Variants in ZSWIM5 observed in about 807,000 individuals in gnomAD.
ZSWIM5 encodes the protein zinc finger SWIM-type containing 5.
In ZSWIM5, 55 loss-of-function variants were observed where a neutral mutation model predicts 119.6. The ratio of observed to expected loss-of-function variants is 0.46; its 90% CI spans 0.37 to 0.58. ZSWIM5 has a LOEUF of 0.58. Ranked by LOEUF, ZSWIM5 falls within the 20% of genes least tolerant of loss-of-function variation. The probability of loss-of-function intolerance (pLI) is 0.00; values close to 1 mark genes in which losing one functional copy is unlikely to be tolerated. For missense variants in ZSWIM5, 1,193 were observed against 1,512.8 expected, an observed-to-expected ratio of 0.79 and a Z score of 3.51; for synonymous variants, 537 against 606.9, an observed-to-expected ratio of 0.88 and a Z score of 1.69.
chr1:45,034,412 C>G lies in ZSWIM5; in HGVS notation c.2349G>C (p.Met783Ile), dbSNP rs1644970770. ...GATAACGGCTGGGCACCACAGACAC[C>G]ATATGGTGAGGGTGGGATGTGTCGC... ...SAGDTSHPHH[M>I]VSVVPSRYPR... Residue 783 changes from methionine (M) to isoleucine (I), a missense_variant, in exon 11 of 14, where the codon ATG (methionine) becomes ATC (isoleucine). This residue lies in a region of ZSWIM5 where 961 missense variants were observed against 1,290.0 expected (regional missense o/e 0.74). Transcript: ENST00000359600. The G allele has an allele frequency of 6.2e-7, 1 of 1,613,782 alleles. No homozygotes were observed. Among genetic ancestry groups the G allele is most frequent in the Non-Finnish European group, 8.5e-7 (1 of 1,179,892 alleles).
At chr1:45,114,846 T>C (rs2149024809) in intron 1 of ZSWIM5, among the ~76,000 whole-genome samples, 1 of 152,342 alleles carries the variant, frequency 6.6e-6, no homozygotes, top group South Asian at 2.1e-4. Context: ...TGGTGATGAC[T>C]CTTAATGAGC....
rs778165337 is a variant in ZSWIM5, at chr1:45,206,054, G to C, written c.297C>G (p.Tyr99Ter). Residue 99 changes from tyrosine (Y) to a stop codon, truncating the protein, a stop_gained, in exon 1 of 14, where the codon TAC becomes TAG. Coordinates refer to ENST00000359600, the MANE Select transcript of ZSWIM5 (RefSeq NM_020883.2). LOFTEE classifies it high-confidence loss of function. ...CCCGCTCATTCCGCGGGAAGGACCAGTAGACGATGCGGCGCTGCACGGGCT... is the reference window on the plus strand; with the variant it reads ...CCCGCTCATTCCGCGGGAAGGACCACTAGACGATGCGGCGCTGCACGGGCT... ...IPEPVQRRIVYWSFPRNEREI... is the reference protein window; with the variant it reads ...IPEPVQRRIV 6.2e-7 allele frequency: 1 copy of C among 1,611,062 alleles called. No individual in the cohort carries two copies. Among genetic ancestry groups the C allele is most frequent in the South Asian group, 1.1e-5 (1 of 90,988 alleles).
chr1:45,110,796 A>G (rs1645511601), intron 1 of ZSWIM5, among the ~76,000 whole-genome samples: 1 of 152,072 alleles, frequency 6.6e-6, no homozygotes, highest in South Asian at 2.1e-4. Context: ...GCAAGTTAGG[A>G]CTCATATTTT....
intron 1 of ZSWIM5, among the ~76,000 whole-genome samples, chr1:45,150,868 G>A (rs1331520415): frequency 6.6e-6 from 1 of 152,132 alleles, no homozygotes; most frequent in East Asian, 1.9e-4. Context: ...AGACCTTTAT[G>A]TGACCTAGAT....
chr1:45,024,192 C>CTTT (rs59909524), intron 11 of ZSWIM5, among the ~76,000 whole-genome samples: 15 of 129,530 alleles, frequency 1.2e-4, no homozygotes, highest in Admixed American at 2.5e-4. Context: ...CTTTTCTTTT[C>CTTT]TTTTTTTTTT....
chr1:45,096,535 AACAC>A (rs370564289), intron 1 of ZSWIM5, among the ~76,000 whole-genome samples: 4 of 140,410 alleles, frequency 2.8e-5, no homozygotes, highest in East Asian at 2.2e-4. Flanking sequence ...TGGCCCTATC[AACAC>A]ACACACACAC....
At chr1:45,098,970 A>G (rs1298942946) in intron 1 of ZSWIM5, among the ~76,000 whole-genome samples, 2 of 152,236 alleles carry the variant, frequency 1.3e-5, no homozygotes, top group East Asian at 3.8e-4. Flanking sequence ...TAGACACCTT[A>G]ACATCACAAT....
intron 1 of ZSWIM5, among the ~76,000 whole-genome samples, chr1:45,161,274 T>C (rs1645862496): frequency 6.6e-6 from 1 of 152,184 alleles, no homozygotes; most frequent in Admixed American, 6.5e-5. Flanking sequence ...AAACACCTAG[T>C]AGTGAGATTG....
chr1:45,085,678 AGG>A (rs1207467130), intron 2 of ZSWIM5, among the ~76,000 whole-genome samples: 7 of 152,152 alleles, frequency 4.6e-5, no homozygotes, highest in African/African-American at 1.7e-4. Context: ...TCCCAAGGGC[AGG>A]GGCACAATGC....
At chr1:45,115,789 G>A (rs1175785289) in intron 1 of ZSWIM5, among the ~76,000 whole-genome samples, 2 of 150,362 alleles carry the variant, frequency 1.3e-5, no homozygotes, top group Admixed American at 1.3e-4. Context: ...AGGCAGAGGG[G>A]CTCCTCACAT....
chr1:45,087,084 A>G (rs1357049993), intron 2 of ZSWIM5, among the ~76,000 whole-genome samples: 1 of 151,964 alleles, frequency 6.6e-6, no homozygotes, highest in Non-Finnish European at 1.5e-5. Flanking sequence ...GGGTTTCACC[A>G]TGTTCACTAG....
rs750301358 is a variant in ZSWIM5 at position 45,018,961 on chromosome 1, G to A, written c.3051C>T (p.Phe1017=). ...MELRGYPLRA[F]KLASLAMSHL... ...GGCTCATGGCCAATGAGGCCAGCTT[G>A]AAGGCACGTAGCGGGTAGCCACGGA... Residue 1017 remains phenylalanine, a synonymous_variant, in exon 14 of 14, where the codon TTC becomes TTT. Transcript: ENST00000359600. The surrounding 1 kb of genome is among the most constrained non-coding windows in gnomAD (Gnocchi z 6.7). The A allele has an allele frequency of 1.9e-6, 3 of 1,614,124 alleles. No homozygotes were observed. The African/African-American group carries it at 4.0e-5, about 22-fold the overall frequency.
intron 2 of ZSWIM5, among the ~76,000 whole-genome samples, chr1:45,066,076 T>C (rs1200833577): frequency 7.2e-6 from 1 of 138,768 alleles, no homozygotes; most frequent in Admixed American, 7.8e-5. Flanking sequence ...TGTGTTCTCA[T>C]TGTTCAATAC....
intron 2 of ZSWIM5, among the ~76,000 whole-genome samples, chr1:45,082,337 GA>G (rs34118103): frequency 0.19 from 25,269 of 130,996 alleles, 2,168 homozygotes; most frequent in African/African-American, 0.25. Context: ...AAAAAAAAAA[GA>G]AAAAAAAAAA....
intron 1 of ZSWIM5, among the ~76,000 whole-genome samples, chr1:45,097,922 G>C (rs981384451): frequency 2.6e-5 from 4 of 152,170 alleles, no homozygotes; most frequent in Non-Finnish European, 5.9e-5. Context: ...TGATAGGGTA[G>C]TATATAATAG....
At chr1:45,099,620 C>G (rs1645425732) in intron 1 of ZSWIM5, among the ~76,000 whole-genome samples, 1 of 152,180 alleles carries the variant, frequency 6.6e-6, no homozygotes, top group African/African-American at 2.4e-5. Flanking sequence ...GACCAATATC[C>G]CTGATGATCA....
chr1:45,058,467 G>A, intron 4 of ZSWIM5, 142 bp downstream of exon 4: 2 of 916,438 alleles, frequency 2.2e-6, no homozygotes, highest in Non-Finnish European at 3.3e-6. Context: ...GTGTTACTCT[G>A]GGTGGCCTCT....
chr1:45,133,638 G>C (rs346692), intron 1 of ZSWIM5, among the ~76,000 whole-genome samples: 9,503 of 151,820 alleles, frequency 0.063, 342 homozygotes, highest in East Asian at 0.11. Context: ...GTCAATTTTG[G>C]GTTTTGTTGC....
chr1:45,103,099 C>G (rs11211078), intron 1 of ZSWIM5, among the ~76,000 whole-genome samples: 2 of 152,132 alleles, frequency 1.3e-5, no homozygotes, highest in African/African-American at 4.8e-5. Context: ...AACTCCTGGT[C>G]TCAACTGATC....
Sources: gnomAD v4.1 joint callset for allele counts (sites outside exome capture counted in the v4.1 genomes callset) on GRCh38, gnomAD v4.1.1 for gene constraint, gnomAD v4.1.1 regional missense constraint, Gnocchi (gnomAD v3.1) non-coding constraint, MANE v1.5 for transcripts, NCBI Gene and HGNC (gene_info 2026-07-23, HGNC 2026-07-21) for gene names.